SFXN5: variants seen among roughly 807,000 people sequenced by gnomAD.
SFXN5 encodes the protein sideroflexin 5.
Under a neutral mutation model 50.2 loss-of-function variants are expected in SFXN5, and 43 were observed. That is an observed-to-expected ratio of 0.86 (90% CI 0.67 to 1.11). SFXN5 has a LOEUF of 1.11. Among genes scored for constraint, SFXN5 ranks in the 50% least tolerant of loss-of-function variants. The pLI is 0.00. For missense variants in SFXN5, 463 were observed against 454.1 expected (o/e 1.02, Z -0.18); for synonymous variants, 203 against 185.8 (o/e 1.09, Z -0.75).
At chr2:72,999,952 G>C (rs544401825) in intron 8 of SFXN5, among the ~76,000 whole-genome samples, 17 of 152,198 alleles carry the variant, frequency 1.1e-4, no homozygotes, top group African/African-American at 4.1e-4. Context: ...CTCTGGGGGG[G>C]AGTTACCAGC....
chr2:73,056,860 C>T (rs1400696531), intron 2 of SFXN5, among the ~76,000 whole-genome samples: 3 of 152,190 alleles, frequency 2.0e-5, no homozygotes, highest in East Asian at 1.9e-4. Flanking sequence ...CTTTGAACAA[C>T]AGTTTGGCAG....
At position 73,069,070 on chromosome 2, in the gene SFXN5, T is replaced by C. The variant is rs201655460; in HGVS notation, c.102+2534A>G. Among the ~76,000 whole-genome samples the C allele has an allele frequency of 5.3e-5, 8 of 152,040 alleles. No homozygotes were observed. In the East Asian group the frequency reaches 1.2e-3, roughly 22 times the overall value. ...TGGGATTCAAGGAAGAAGTAGTCAG[T>C]GGGGTGGGCCATGCATACTTTGGGG... is the stretch of plus-strand genomic sequence containing the variant. On this transcript the variant is annotated intron_variant, in intron 1 of 13. Coordinates refer to ENST00000272433, the MANE Select transcript of SFXN5 (RefSeq NM_144579.3).
At chr2:73,069,360 G>GT (rs1683409118) in intron 1 of SFXN5, among the ~76,000 whole-genome samples, 1 of 152,148 alleles carries the variant, frequency 6.6e-6, no homozygotes, top group South Asian at 2.1e-4. Context: ...TGTGTAAGAG[G>GT]TAAGATCACT....
rs1416272553 is a variant in SFXN5, at chr2:73,000,411, G to A, written c.468+20C>T. The A allele has an allele frequency of 1.9e-6, 3 of 1,553,524 alleles. No individual in the cohort carries two copies. Among genetic ancestry groups the A allele is most frequent in the South Asian group, 1.2e-5 (1 of 84,124 alleles). On this transcript the variant is annotated intron_variant, in intron 8 of 13. Transcript: ENST00000272433. ...CCCTAGCCTGAACCCCACCACTGGG[G>A]AGAGGGCAGTGATGCTCACCTTGGT...
chr2:72,947,197 C>T (rs1182279977), intron 13 of SFXN5, among the ~76,000 whole-genome samples: 1 of 152,230 alleles, frequency 6.6e-6, no homozygotes, highest in African/African-American at 2.4e-5. Flanking sequence ...GCGGATCTGT[C>T]TCGCCCCTGT....
At chr2:72,976,545 T>G (rs1670633844) in intron 10 of SFXN5, among the ~76,000 whole-genome samples, 1 of 152,204 alleles carries the variant, frequency 6.6e-6, no homozygotes. Flanking sequence ...AATTATACTA[T>G]TCATCTTAAA....
At chr2:72,987,896 G>C (rs1672104063) in intron 10 of SFXN5, among the ~76,000 whole-genome samples, 1 of 152,252 alleles carries the variant, frequency 6.6e-6, no homozygotes, top group African/African-American at 2.4e-5. Flanking sequence ...CACAGGTCCT[G>C]CTTCTGACTG....
chr2:72,966,757 G>A (rs915344064), intron 12 of SFXN5, among the ~76,000 whole-genome samples: 5 of 152,152 alleles, frequency 3.3e-5, no homozygotes, highest in African/African-American at 4.8e-5. Flanking sequence ...TCTCTGGGTC[G>A]GCCGCAGCCC....
chr2:72,976,305 A>AC (rs1670609751), intron 10 of SFXN5, among the ~76,000 whole-genome samples: 1 of 152,154 alleles, frequency 6.6e-6, no homozygotes, highest in African/African-American at 2.4e-5. Context: ...GTAAAAAAAA[A>AC]AACTGCCAAA....
At chr2:72,988,051 C>A (rs1672121342) in intron 10 of SFXN5, among the ~76,000 whole-genome samples, 1 of 152,262 alleles carries the variant, frequency 6.6e-6, no homozygotes, top group Non-Finnish European at 1.5e-5. Flanking sequence ...GCCTAAGAAC[C>A]CCTATGCTGA....
chr2:73,016,724 A>C (rs909417588), intron 6 of SFXN5, among the ~76,000 whole-genome samples: 1 of 152,146 alleles, frequency 6.6e-6, no homozygotes, highest in African/African-American at 2.4e-5. Flanking sequence ...ACAAACAAAC[A>C]ATGAAACCAC....
Position 72,988,271 on chromosome 2 carries a change from C to A in SFXN5, c.612G>T (p.Pro204=). Residue 204 remains proline, a synonymous_variant, in exon 10 of 14, where the codon CCG becomes CCT. Coordinates refer to ENST00000272433, the MANE Select transcript of SFXN5 (RefSeq NM_144579.3). ...ATRLLIQRFV[P]FPAVASANIC... The stretch of plus-strand genomic sequence containing the variant: ...TGCAGGTCTTACCTACAGCAGGGAA[C>A]GGCACAAACCTCTGGATGAGAAGGC... 1 of 1,613,686 alleles carries A rather than the reference C, an allele frequency of 6.2e-7. No individual in the cohort carries two copies. Among genetic ancestry groups the A allele is most frequent in the Non-Finnish European group, 8.5e-7 (1 of 1,179,792 alleles).
intron 9 of SFXN5, chr2:72,996,507 G>GA (rs71404797): frequency 8.0e-6 from 1 of 125,370 alleles, no homozygotes; most frequent in Non-Finnish European, 1.6e-5. Context: ...GCTGAGTTTT[G>GA]TTTTTTTTTT....
Position 72,953,056 on chromosome 2 carries a change from C to A in SFXN5, c.946-7957G>T, listed in dbSNP as rs1672708013. Among the ~76,000 whole-genome samples, 1 of 152,174 alleles carries A rather than the reference C, an allele frequency of 6.6e-6. No homozygotes were observed. The highest frequency in any genetic ancestry group is 1.5e-5 in the Non-Finnish European group (1 of 68,036). Reference sequence around the variant, plus strand: ...GTCAGGCAGCCCCGCCGAGGCCTGCCACCCGGGCATGTGTACATGTTCTTG... The same window carrying A: ...GTCAGGCAGCCCCGCCGAGGCCTGCAACCCGGGCATGTGTACATGTTCTTG... On this transcript the variant is annotated intron_variant, in intron 13 of 13. Coordinates refer to ENST00000272433, the MANE Select transcript of SFXN5 (RefSeq NM_144579.3). The surrounding 1 kb of genome is among the most constrained non-coding windows in gnomAD (Gnocchi z 4.1).
intron 13 of SFXN5, among the ~76,000 whole-genome samples, chr2:72,948,415 T>A (rs1447184354): frequency 6.6e-6 from 1 of 152,246 alleles, no homozygotes; most frequent in Non-Finnish European, 1.5e-5. Flanking sequence ...AGGAGTATTT[T>A]AAGTTAAGAC....
In SFXN5 at chr2:73,060,431, T is replaced by C. The variant is rs147414342; in HGVS notation, c.103-1835A>G. Among the ~76,000 whole-genome samples the C allele has an allele frequency of 1.7e-3, 262 of 152,178 alleles. 2 individuals carry two copies. Among genetic ancestry groups the C allele is most frequent in the Non-Finnish European group, 3.3e-3 (222 of 68,014 alleles). ...CACTGACAGACATTCCATAAATTAA[T>C]TGGTTTTGTTCATCAAATATGTCAA... On this transcript the variant is annotated intron_variant, in intron 1 of 13. Coordinates refer to ENST00000272433, the MANE Select transcript of SFXN5 (RefSeq NM_144579.3).
At chr2:73,064,089 C>T (rs1178439928) in intron 1 of SFXN5, among the ~76,000 whole-genome samples, 1 of 152,226 alleles carries the variant, frequency 6.6e-6, no homozygotes, top group Admixed American at 6.5e-5. Flanking sequence ...GCCTTCCCAC[C>T]TCCACCAGCC....
intron 10 of SFXN5, among the ~76,000 whole-genome samples, chr2:72,978,352 G>A (rs1198016885): frequency 4.0e-5 from 6 of 148,508 alleles, no homozygotes; most frequent in African/African-American, 1.2e-4. Context: ...GCACAATCTC[G>A]GCTCACTGCA....
In SFXN5 at chr2:73,070,709, C is replaced by G. The variant is rs868532347; in HGVS notation, c.102+895G>C. 3 of 152,238 alleles carry G rather than the reference C, an allele frequency of 2.0e-5. 1 individual carries two copies. The South Asian group carries it at 6.2e-4, about 31-fold the overall frequency. 9.4% of individuals were successfully genotyped at this position (152,238 alleles called of 1,614,324 possible). ...CACCCCCGCCTCCGCAGTCTAGGGC[C>G]GAGTCGGCGACGCCCCAGAGGAGGT... On this transcript the variant is annotated intron_variant, in intron 1 of 13. Transcript: ENST00000272433.
Sources: gnomAD v4.1 joint callset for allele counts (sites outside exome capture counted in the v4.1 genomes callset) on GRCh38, gnomAD v4.1.1 for gene constraint, Gnocchi (gnomAD v3.1) non-coding constraint, MANE v1.5 for transcripts, NCBI Gene and HGNC (gene_info 2026-07-23, HGNC 2026-07-21) for gene names.